The following ZFYVE9 variants were observed in gnomAD, a reference collection of about 807,000 sequenced individuals.
ZFYVE9 encodes zinc finger FYVE-type containing 9, also known as zinc finger FYVE domain-containing protein 9.
In ZFYVE9, 43 loss-of-function variants were observed where a neutral mutation model predicts 126.7. The ratio of observed to expected loss-of-function variants is 0.34; its 90% confidence interval spans 0.27 to 0.44. The LOEUF (loss-of-function observed/expected upper bound fraction) is 0.44. Among genes scored for constraint, ZFYVE9 ranks in the 20% least tolerant of loss-of-function variants. The probability of loss-of-function intolerance (pLI) is 1.00; values close to 1 mark genes in which losing one functional copy is unlikely to be tolerated. For missense variants in ZFYVE9, 1,476 were observed against 1,697.0 expected (o/e 0.87, Z 2.29); for synonymous variants, 521 against 597.4 (o/e 0.87, Z 1.87).
chr1:52,154,614 T>C (rs1644384932), intron 1 of ZFYVE9, among the ~76,000 whole-genome samples: 1 of 152,220 alleles, frequency 6.6e-6, no homozygotes, highest in African/African-American at 2.4e-5. Flanking sequence ...TATTCATTCA[T>C]TTCCCTCCAC....
chr1:52,216,131 T>C (rs1315137009), intron 1 of ZFYVE9, among the ~76,000 whole-genome samples: 1 of 152,212 alleles, frequency 6.6e-6, no homozygotes, highest in Non-Finnish European at 1.5e-5. Flanking sequence ...GCATTATCCA[T>C]TGAAAATAAA....
At chr1:52,231,508 A>C (rs1043648080) in intron 2 of ZFYVE9, among the ~76,000 whole-genome samples, 7 of 151,824 alleles carry the variant, frequency 4.6e-5, no homozygotes, top group Non-Finnish European at 1.0e-4. Flanking sequence ...ACAGAGTGAG[A>C]CTCCATCTCC....
intron 7 of ZFYVE9, among the ~76,000 whole-genome samples, chr1:52,271,741 G>T (rs942033498): frequency 8.5e-5 from 13 of 152,244 alleles, no homozygotes; most frequent in African/African-American, 3.1e-4. Context: ...ATGCCATACC[G>T]GAAAATTTTA....
intron 14 of ZFYVE9, among the ~76,000 whole-genome samples, chr1:52,333,576 C>T (rs995345104): frequency 2.6e-5 from 4 of 151,972 alleles, no homozygotes; most frequent in African/African-American, 9.7e-5. Context: ...GCTCAAGAGG[C>T]GTTACCCAAA....
intron 12 of ZFYVE9, among the ~76,000 whole-genome samples, chr1:52,297,242 CTTTTTTTTT>C (rs767708782): frequency 3.0e-5 from 4 of 134,106 alleles, no homozygotes; most frequent in African/African-American, 1.1e-4. Flanking sequence ...AAAAACATTT[CTTTTTTTTT>C]TTTTTTTTGG....
Position 52,233,246 on chromosome 1 carries a change from A to G in ZFYVE9, c.40A>G (p.Lys14Glu), listed in dbSNP as rs957932405. 6.3e-7 allele frequency: 1 copy of G among 1,586,450 alleles called. No individual in the cohort carries two copies. Among genetic ancestry groups the G allele is most frequent in the East Asian group, 2.3e-5 (1 of 44,150 alleles). Residue 14 changes from lysine (K) to glutamate (E), a missense_variant, in exon 3 of 19, where the codon AAG becomes GAG. Around this residue, in one of 2 missense-constraint regions of ZFYVE9, gnomAD observed 807 missense variants for 794.6 expected, o/e 1.02. Transcript: ENST00000287727. ...CCAAGCAGAAGCTTACAACCTGGAC[A>G]AGGTGTTAGATGAATTTGAACAAAA... Reference protein sequence around the residue: ...YFQAEAYNLDKVLDEFEQNED... With the variant: ...YFQAEAYNLDEVLDEFEQNED...
intron 10 of ZFYVE9, among the ~76,000 whole-genome samples, chr1:52,293,100 C>T (rs527926073): frequency 1.8e-4 from 28 of 152,080 alleles, no homozygotes; most frequent in Admixed American, 3.3e-4. Context: ...ATTAATTGGC[C>T]GGGCGCTGTG....
At chr1:52,158,688 T>C (rs1234895625) in intron 1 of ZFYVE9, among the ~76,000 whole-genome samples, 1 of 152,214 alleles carries the variant, frequency 6.6e-6, no homozygotes, top group Non-Finnish European at 1.5e-5. Flanking sequence ...GATAAGGACC[T>C]GTTTGTGAGC....
intron 1 of ZFYVE9, 77 bp from the exon 2 acceptor site, chr1:52,216,292 G>C (rs1158442603): frequency 2.5e-6 from 1 of 397,358 alleles, no homozygotes; most frequent in Non-Finnish European, 4.4e-6. Flanking sequence ...CATTTGTCTG[G>C]CTATGGTAGA....
intron 7 of ZFYVE9, among the ~76,000 whole-genome samples, chr1:52,269,213 T>C (rs1416082407): frequency 6.6e-6 from 1 of 152,112 alleles, no homozygotes; most frequent in East Asian, 1.9e-4. Flanking sequence ...CACTGCAACC[T>C]CTACCTCCCA....
rs552213191 is a variant in ZFYVE9 at position 52,232,728 on chromosome 1, CAAAAAA to C, written c.-36-422_-36-417del. On this transcript the variant is annotated intron_variant, in intron 2 of 18. Coordinates refer to ENST00000287727, the MANE Select transcript of ZFYVE9 (RefSeq NM_004799.4). ...AGGCAACAAGAGTGAGACTCTGTCT[CAAAAAA>C]AAAAAAAAAAAAAAAAAAAAGGAAT... is the stretch of plus-strand genomic sequence containing the variant. 1.2e-3 allele frequency among the ~76,000 whole-genome samples: 33 copies of C among 27,350 alleles called. No individual in the cohort carries two copies. In the East Asian group the frequency reaches 0.03, roughly 25 times the overall value. 17.9% of individuals were successfully genotyped at this position (27,350 alleles called of 152,430 possible).
chr1:52,166,575 C>T (rs1644515673), intron 1 of ZFYVE9, among the ~76,000 whole-genome samples: 2 of 152,032 alleles, frequency 1.3e-5, no homozygotes, highest in South Asian at 4.1e-4. Context: ...CATCTGAACA[C>T]TTTATTGTTT....
At chr1:52,199,286 A>G (rs2124565901) in intron 1 of ZFYVE9, among the ~76,000 whole-genome samples, 1 of 151,650 alleles carries the variant, frequency 6.6e-6, no homozygotes, top group Non-Finnish European at 1.5e-5. Flanking sequence ...GATGGTTTTG[A>G]TCTCCTGACC....
At chr1:52,214,420 C>T (rs768746339) in intron 1 of ZFYVE9, among the ~76,000 whole-genome samples, 7 of 151,968 alleles carry the variant, frequency 4.6e-5, no homozygotes, top group Non-Finnish European at 8.8e-5. Context: ...GAGTGAGACT[C>T]CATCTCAAAA....
intron 13 of ZFYVE9, among the ~76,000 whole-genome samples, chr1:52,328,672 C>T (rs1437242195): frequency 1.3e-5 from 2 of 152,142 alleles, no homozygotes; most frequent in Non-Finnish European, 2.9e-5. Context: ...GAAATGATTT[C>T]TTTAAAATTG....
chr1:52,203,383 A>G (rs925892408), intron 1 of ZFYVE9, among the ~76,000 whole-genome samples: 6 of 146,478 alleles, frequency 4.1e-5, no homozygotes, highest in South Asian at 2.1e-4. Context: ...GGGTTTCACT[A>G]TGTTGGCCAG....
At chr1:52,164,803 C>T (rs1374238875) in intron 1 of ZFYVE9, among the ~76,000 whole-genome samples, 1 of 152,148 alleles carries the variant, frequency 6.6e-6, no homozygotes, top group Non-Finnish European at 1.5e-5. Context: ...TTTTATCTGC[C>T]AGTAATCAGC....
At chr1:52,221,706 G>C (rs1248752429) in intron 2 of ZFYVE9, among the ~76,000 whole-genome samples, 2 of 152,108 alleles carry the variant, frequency 1.3e-5, no homozygotes, top group African/African-American at 4.8e-5. Flanking sequence ...CGTGTTTGTG[G>C]GTGAGTACTC....
intron 6 of ZFYVE9, among the ~76,000 whole-genome samples, chr1:52,267,866 A>G (rs147491499): frequency 2.6e-5 from 4 of 152,334 alleles, no homozygotes; most frequent in East Asian, 3.9e-4. Flanking sequence ...CTAAAACACA[A>G]ATTACTTTTG....
Sources: gnomAD v4.1 joint callset for allele counts (sites outside exome capture counted in the v4.1 genomes callset) on GRCh38, gnomAD v4.1.1 for gene constraint, gnomAD v4.1.1 regional missense constraint, MANE v1.5 for transcripts, NCBI Gene and HGNC (gene_info 2026-07-23, HGNC 2026-07-21) for gene names.